The following NXPE2 variants were observed in gnomAD, a reference collection of about 807,000 sequenced individuals.
The protein encoded by NXPE2 is neurexophilin and PC-esterase domain family member 2.
NXPE2 carries 34 observed loss-of-function variants against 34.4 expected under a neutral mutation model. The observed-to-expected ratio is 0.99, with a 90% CI of 0.75 to 1.31. The LOEUF is 1.31. Among genes scored for constraint, NXPE2 ranks in the 40% most tolerant of loss-of-function variants. NXPE2 has a pLI of 0.00. For synonymous variants in NXPE2, 235 were observed against 231.3 expected (o/e 1.02, Z -0.15); for missense variants, 649 against 672.5 (o/e 0.97, Z 0.39).
the NXPE2 span, among the ~76,000 whole-genome samples, chr11:114,780,018 A>G: frequency 6.6e-6 from 1 of 152,334 alleles, no homozygotes; most frequent in Admixed American, 6.5e-5. Context: ...ATCGACAGCC[A>G]GTAAAATTCA....
the NXPE2 span, among the ~76,000 whole-genome samples, chr11:114,496,888 TAAAC>T: frequency 6.6e-6 from 1 of 152,206 alleles, no homozygotes; most frequent in Non-Finnish European, 1.5e-5. Flanking sequence ...GATGCTGGTG[TAAAC>T]AAACCTGTGC....
At chr11:114,789,090 T>C in the NXPE2 span, among the ~76,000 whole-genome samples, 1 of 152,148 alleles carries the variant, frequency 6.6e-6, no homozygotes. Flanking sequence ...ACAGGAAAAA[T>C]AAGTTCAAAA....
the NXPE2 span, among the ~76,000 whole-genome samples, chr11:114,743,807 G>T: frequency 6.7e-6 from 1 of 149,566 alleles, no homozygotes; most frequent in Non-Finnish European, 1.5e-5. Context: ...GTGTGTGTGT[G>T]TATGTGTGTG....
At chr11:114,727,948 T>TA in the NXPE2 span, among the ~76,000 whole-genome samples, 12 of 152,002 alleles carry the variant, frequency 7.9e-5, no homozygotes, top group Non-Finnish European at 1.3e-4. Flanking sequence ...AGGTCGAAAG[T>TA]AAAAATTAGT....
At chr11:114,616,573 A>G in the NXPE2 span, among the ~76,000 whole-genome samples, 1 of 151,596 alleles carries the variant, frequency 6.6e-6, no homozygotes, top group Admixed American at 6.6e-5. Context: ...CTCATGGGTA[A>G]TCACTGTTAC....
chr11:114,583,202 T>C, the NXPE2 span: 3 of 765,276 alleles, frequency 3.9e-6, no homozygotes, highest in Non-Finnish European at 6.3e-6. Context: ...TAAAAAGGCA[T>C]AGAATGGAGA....
the NXPE2 span, among the ~76,000 whole-genome samples, chr11:114,623,121 C>A: frequency 3.3e-5 from 5 of 152,090 alleles, no homozygotes; most frequent in African/African-American, 1.2e-4. Context: ...GCACTGTTAC[C>A]CGGTGGATAA....
the NXPE2 span, among the ~76,000 whole-genome samples, chr11:114,736,831 A>G: frequency 6.6e-6 from 1 of 152,248 alleles, no homozygotes; most frequent in Admixed American, 6.5e-5. Flanking sequence ...ATAAATGTCC[A>G]TGAAATCTTC....
chr11:114,581,287 GC>G, the NXPE2 span, among the ~76,000 whole-genome samples: 1 of 152,124 alleles, frequency 6.6e-6, no homozygotes, highest in Non-Finnish European at 1.5e-5. Context: ...TTGAAAGGTG[GC>G]AAAGATCAAG....
the NXPE2 span, chr11:114,530,028 T>C: frequency 1.3e-6 from 1 of 772,314 alleles, no homozygotes; most frequent in East Asian, 2.5e-5. Flanking sequence ...CCTAGAGTGG[T>C]GAGTAGAGGC....
the NXPE2 span, among the ~76,000 whole-genome samples, chr11:114,718,263 A>G: frequency 6.6e-6 from 1 of 152,336 alleles, no homozygotes; most frequent in East Asian, 1.9e-4. Context: ...CATAACTTGT[A>G]AAATGAATGC....
chr11:114,592,203 C>A, the NXPE2 span, among the ~76,000 whole-genome samples: 1 of 151,990 alleles, frequency 6.6e-6, no homozygotes, highest in Admixed American at 6.6e-5. Context: ...AAATAAAGGG[C>A]ATACAAGTTG....
At chr11:114,629,235 C>T in the NXPE2 span, among the ~76,000 whole-genome samples, 1 of 151,980 alleles carries the variant, frequency 6.6e-6, no homozygotes, top group South Asian at 2.1e-4. Context: ...AATTTTAGAC[C>T]AATATCCTTG....
the NXPE2 span, among the ~76,000 whole-genome samples, chr11:114,794,606 G>A: frequency 6.6e-6 from 1 of 152,162 alleles, no homozygotes; most frequent in Admixed American, 6.5e-5. Context: ...AAACATAGAA[G>A]TTTGGCTGCA....
chr11:114,512,982 G>C, the NXPE2 span: 11 of 350,126 alleles, frequency 3.1e-5, no homozygotes, highest in African/African-American at 2.2e-4. Flanking sequence ...TCGCCCTCCA[G>C]AGAGTCAATG....
chr11:114,631,918 T>C, the NXPE2 span, among the ~76,000 whole-genome samples: 32 of 151,296 alleles, frequency 2.1e-4, no homozygotes, highest in Non-Finnish European at 4.0e-4. Context: ...GTCACTACTG[T>C]TACCCGGTGG....
the NXPE2 span, among the ~76,000 whole-genome samples, chr11:114,638,559 C>G: frequency 6.6e-6 from 1 of 151,880 alleles, no homozygotes; most frequent in East Asian, 1.9e-4. Flanking sequence ...TAGAGTTTCC[C>G]GTTTTTCTGC....
intron 2 of NXPE2, among the ~76,000 whole-genome samples, chr11:114,683,289 C>T (rs142457006): frequency 1.1e-3 from 162 of 152,254 alleles, no homozygotes; most frequent in African/African-American, 3.8e-3. Context: ...ATTTACCATA[C>T]AATTCTTTCT....
intron 2 of NXPE2, among the ~76,000 whole-genome samples, chr11:114,690,419 G>A (rs1951129028): frequency 1.3e-5 from 2 of 152,120 alleles, no homozygotes; most frequent in African/African-American, 4.8e-5. Context: ...GCTAAAAATG[G>A]AACCTCTGTC....
Sources: allele counts gnomAD v4.1 joint callset (sites outside exome capture counted in the v4.1 genomes callset), GRCh38; gene constraint gnomAD v4.1.1; transcripts MANE v1.5; gene names NCBI Gene and HGNC (gene_info 2026-07-23, HGNC 2026-07-21).